NCAM2: variants seen among roughly 807,000 people sequenced by gnomAD.
The protein encoded by NCAM2 is neural cell adhesion molecule 2.
NCAM2 carries 30 observed loss-of-function variants against 98.1 expected under a neutral mutation model. That is an observed-to-expected ratio of 0.31 (90% CI 0.23 to 0.41). The LOEUF (loss-of-function observed/expected upper bound fraction) is 0.41, where lower values mean the gene tolerates loss of function less well. Among genes scored for constraint, NCAM2 ranks in the 10% least tolerant of loss-of-function variants. The pLI, the probability that NCAM2 is intolerant of heterozygous loss-of-function variation, is 1.00. For missense variants in NCAM2, 867 were observed against 1,005.8 expected, an observed-to-expected ratio of 0.86 and a Z score of 1.87; for synonymous variants, 368 against 342.4, an observed-to-expected ratio of 1.07 and a Z score of -0.83.
intron 5 of NCAM2, among the ~76,000 whole-genome samples, chr21:21,306,371 A>G (rs2073879993): frequency 6.6e-6 from 1 of 152,120 alleles, no homozygotes. Context: ...TATTATATAG[A>G]TAAAAGTTTA....
At chr21:21,237,808 T>G (rs1397176651) in intron 1 of NCAM2, among the ~76,000 whole-genome samples, 3 of 152,126 alleles carry the variant, frequency 2.0e-5, no homozygotes, top group Non-Finnish European at 4.4e-5. Flanking sequence ...CAGTGGAATT[T>G]CTTAACCAAT....
chr21:21,303,189 C>A (rs1399442345), intron 5 of NCAM2, among the ~76,000 whole-genome samples: 1 of 150,214 alleles, frequency 6.7e-6, no homozygotes, highest in Non-Finnish European at 1.5e-5. Flanking sequence ...ATGTGACAAA[C>A]CTGCACATGT....
At chr21:21,472,975 C>G (rs1002001815) in intron 14 of NCAM2, among the ~76,000 whole-genome samples, 4 of 116,762 alleles carry the variant, frequency 3.4e-5, no homozygotes, top group African/African-American at 1.8e-4. Flanking sequence ...TGTACACACA[C>G]ACACACACAC....
chr21:21,464,202 G>A (rs1212120504), intron 12 of NCAM2, among the ~76,000 whole-genome samples: 9 of 152,034 alleles, frequency 5.9e-5, no homozygotes, highest in African/African-American at 1.9e-4. Flanking sequence ...AGCTGCACCA[G>A]GATATCACAG....
intron 3 of NCAM2, among the ~76,000 whole-genome samples, chr21:21,285,601 A>C (rs2073070717): frequency 6.6e-6 from 1 of 151,970 alleles, no homozygotes; most frequent in Non-Finnish European, 1.5e-5. Flanking sequence ...GCAAAGGTAA[A>C]AAAAATTTTT....
At chr21:21,009,919 T>TGTGTGTGTGTG (rs1568923318) in intron 1 of NCAM2, among the ~76,000 whole-genome samples, 1 of 46,786 alleles carries the variant, frequency 2.1e-5, no homozygotes, top group African/African-American at 7.9e-5. Context: ...GTGTGTGTGT[T>TGTGTGTGTGTG]TTAATGATTT....
chr21:21,503,877 T>G (rs1010808501), intron 15 of NCAM2, among the ~76,000 whole-genome samples: 3 of 151,962 alleles, frequency 2.0e-5, no homozygotes, highest in Non-Finnish European at 4.4e-5. Flanking sequence ...AAATTATTTA[T>G]TCTTATTCAA....
At chr21:21,046,789 A>G (rs568674833) in intron 1 of NCAM2, among the ~76,000 whole-genome samples, 35 of 152,302 alleles carry the variant, frequency 2.3e-4, no homozygotes, top group Middle Eastern at 3.4e-3. Flanking sequence ...CTGAAAGGAC[A>G]TGAGCAAAAG....
intron 1 of NCAM2, among the ~76,000 whole-genome samples, chr21:21,161,090 C>A: frequency 6.6e-6 from 1 of 151,766 alleles, no homozygotes; most frequent in East Asian, 1.9e-4. Flanking sequence ...ACCTCTGCTA[C>A]AAAATGAAGG....
chr21:21,068,318 C>A (rs546054299), intron 1 of NCAM2, among the ~76,000 whole-genome samples: 1 of 150,412 alleles, frequency 6.6e-6, no homozygotes, highest in African/African-American at 2.4e-5. Context: ...ATTTTTAGTA[C>A]AGACTGGGCT....
At chr21:21,264,820 A>G (rs1449759307) in intron 1 of NCAM2, among the ~76,000 whole-genome samples, 2 of 140,200 alleles carry the variant, frequency 1.4e-5, no homozygotes, top group Non-Finnish European at 3.1e-5. Flanking sequence ...ACACACGTAT[A>G]TATATTCCAC....
At chr21:21,508,026 G>T (rs891258448) in intron 15 of NCAM2, among the ~76,000 whole-genome samples, 1 of 151,966 alleles carries the variant, frequency 6.6e-6, no homozygotes, top group Non-Finnish European at 1.5e-5. Context: ...ATTACTACTT[G>T]CTCCACTTGC....
chr21:21,127,426 T>G (rs965479318), intron 1 of NCAM2, among the ~76,000 whole-genome samples: 1 of 152,094 alleles, frequency 6.6e-6, no homozygotes, highest in Non-Finnish European at 1.5e-5. Flanking sequence ...TGGTTATCTA[T>G]CATCTCAAAC....
chr21:21,026,209 T>A (rs76578487), intron 1 of NCAM2, among the ~76,000 whole-genome samples: 1,838 of 152,212 alleles, frequency 0.012, 32 homozygotes, highest in African/African-American at 0.042. Context: ...TGGTAAAGGT[T>A]AATAAAAGAA....
At chr21:21,318,030 A>C (rs1259425562) in intron 5 of NCAM2, among the ~76,000 whole-genome samples, 2 of 152,156 alleles carry the variant, frequency 1.3e-5, no homozygotes, top group African/African-American at 4.8e-5. Flanking sequence ...CTTTTTCTCC[A>C]TTAGCACAAT....
intron 11 of NCAM2, among the ~76,000 whole-genome samples, chr21:21,419,196 C>G (rs1310550236): frequency 2.0e-5 from 3 of 151,716 alleles, no homozygotes; most frequent in African/African-American, 7.3e-5. Context: ...ACCATTGTAT[C>G]TGCTATACAG....
Position 21,387,195 on chromosome 21 carries a change from C to G in NCAM2, c.1195+13182C>G, listed in dbSNP as rs892637052. On this transcript the variant is annotated intron_variant, in intron 9 of 17. Coordinates refer to ENST00000400546, the MANE Select transcript of NCAM2 (RefSeq NM_004540.5). ...TGGTGCGCACACACACATACACACA[C>G]ACACACACACACACACACACACACA... Among the ~76,000 whole-genome samples the G allele has an allele frequency of 7.0e-4, 59 of 84,132 alleles. No homozygotes were observed. In the South Asian group the frequency reaches 0.02, roughly 28 times the overall value. 55.2% of individuals were successfully genotyped at this position (84,132 alleles called of 152,430 possible). A position where few individuals can be genotyped will look rare whatever the true frequency, so the allele number is the denominator to read the frequency against.
intron 17 of NCAM2, among the ~76,000 whole-genome samples, chr21:21,536,700 T>C (rs1203022718): frequency 6.6e-6 from 1 of 152,126 alleles, no homozygotes; most frequent in East Asian, 1.9e-4. Flanking sequence ...TGGAATACTA[T>C]TTCTAACTTA....
At chr21:21,279,352 G>T (rs556501500) in intron 1 of NCAM2, among the ~76,000 whole-genome samples, 1 of 151,798 alleles carries the variant, frequency 6.6e-6, no homozygotes, top group Non-Finnish European at 1.5e-5. Flanking sequence ...GTGTTATCTG[G>T]TGTTCTTTTT....
Sources: allele counts gnomAD v4.1 joint callset (sites outside exome capture counted in the v4.1 genomes callset), GRCh38; gene constraint gnomAD v4.1.1; transcripts MANE v1.5; gene names NCBI Gene and HGNC (gene_info 2026-07-23, HGNC 2026-07-21).